The following TSHZ2 variants were observed in gnomAD, a reference collection of about 807,000 sequenced individuals.
TSHZ2 encodes the protein teashirt zinc finger homeobox 2.
Under a neutral mutation model 74.4 loss-of-function variants are expected in TSHZ2, and 21 were observed. The observed-to-expected ratio is 0.28, with a 90% confidence interval of 0.20 to 0.41. The LOEUF (loss-of-function observed/expected upper bound fraction) is 0.41. Among genes scored for constraint, TSHZ2 ranks in the 10% least tolerant of loss-of-function variants. The pLI, the probability that TSHZ2 is intolerant of heterozygous loss-of-function variation, is 1.00. For missense variants in TSHZ2, 1,244 were observed against 1,293.5 expected, an observed-to-expected ratio of 0.96 and a Z score of 0.59; for synonymous variants, 540 against 515.3, an observed-to-expected ratio of 1.05 and a Z score of -0.65.
chr20:53,338,598 G>T (rs1242585512), intron 2 of TSHZ2, among the ~76,000 whole-genome samples: 1 of 152,166 alleles, frequency 6.6e-6, no homozygotes, highest in Non-Finnish European at 1.5e-5. Flanking sequence ...GGGCTGGGGT[G>T]GTACTGGCAT....
At chr20:53,363,175 C>T (rs1307209350) in intron 2 of TSHZ2, among the ~76,000 whole-genome samples, 1 of 152,226 alleles carries the variant, frequency 6.6e-6, no homozygotes, top group Admixed American at 6.5e-5. Flanking sequence ...CCATGGTGGG[C>T]CCTGCCTTGA....
chr20:53,169,047 C>T (rs968542495), intron 1 of TSHZ2, among the ~76,000 whole-genome samples: 6 of 152,192 alleles, frequency 3.9e-5, no homozygotes, highest in African/African-American at 7.2e-5. Flanking sequence ...AGACTCCTCA[C>T]GTCCTGCCCA....
chr20:53,194,747 C>T (rs537262805), intron 1 of TSHZ2, among the ~76,000 whole-genome samples: 3 of 152,324 alleles, frequency 2.0e-5, no homozygotes, highest in East Asian at 3.9e-4. Flanking sequence ...CTCCACCCAG[C>T]CCAGGCAGGA....
At chr20:53,405,999 AAAAATAAATACTTTTTTTTAAAAAAAAG>A (rs1982838167) in intron 2 of TSHZ2, among the ~76,000 whole-genome samples, 1 of 152,188 alleles carries the variant, frequency 6.6e-6, no homozygotes, top group Admixed American at 6.5e-5. Flanking sequence ...CCTGTCTCAA[AAAAATAAATACTTTTTTTTAAAAAAAAG>A]AAAATAAATA....
chr20:53,414,212 G>A (rs1983154909), intron 2 of TSHZ2, among the ~76,000 whole-genome samples: 1 of 152,112 alleles, frequency 6.6e-6, no homozygotes, highest in South Asian at 2.1e-4. Context: ...AACATTTCTG[G>A]AAAGATCAGA....
intron 2 of TSHZ2, among the ~76,000 whole-genome samples, chr20:53,414,492 A>G (rs977042472): frequency 6.6e-5 from 10 of 152,060 alleles, no homozygotes; most frequent in African/African-American, 2.2e-4. Context: ...GTGGTGGCAC[A>G]CACATGTAGT....
chr20:53,001,205 C>CGTGTGTGTGTGTGTGTGTGTATGT (rs1982398050), intron 1 of TSHZ2, among the ~76,000 whole-genome samples: 1 of 94,192 alleles, frequency 1.1e-5, no homozygotes, highest in African/African-American at 4.0e-5. Flanking sequence ...CGTTCATGTG[C>CGTGTGTGTGTGTGTGTGTGTATGT]GTGTGTGTGT....
chr20:53,069,515 A>G (rs565359414), intron 1 of TSHZ2, among the ~76,000 whole-genome samples: 2 of 152,158 alleles, frequency 1.3e-5, no homozygotes, highest in Non-Finnish European at 2.9e-5. Flanking sequence ...CAGAATCATT[A>G]TCTAAATCCG....
At chr20:53,418,523 G>A (rs1251851896) in intron 2 of TSHZ2, among the ~76,000 whole-genome samples, 4 of 152,120 alleles carry the variant, frequency 2.6e-5, no homozygotes, top group South Asian at 2.1e-4. Flanking sequence ...GGCGACAGAC[G>A]AGAAGAGAGC....
intron 1 of TSHZ2, among the ~76,000 whole-genome samples, chr20:53,100,270 C>G (rs1055211529): frequency 7.2e-5 from 11 of 152,170 alleles, no homozygotes; most frequent in African/African-American, 2.7e-4. Context: ...TTTGCCCCTT[C>G]ATTTCTAACA....
At chr20:53,130,111 G>T (rs1327672628) in intron 1 of TSHZ2, among the ~76,000 whole-genome samples, 1 of 151,590 alleles carries the variant, frequency 6.6e-6, no homozygotes, top group Non-Finnish European at 1.5e-5. Context: ...GGCTCAGTGG[G>T]TTTACATATT....
At chr20:53,047,980 T>C (rs1429992179) in intron 1 of TSHZ2, among the ~76,000 whole-genome samples, 2 of 152,192 alleles carry the variant, frequency 1.3e-5, no homozygotes, top group Non-Finnish European at 2.9e-5. Flanking sequence ...AGACGGGATG[T>C]GGCCAAGTTA....
intron 1 of TSHZ2, among the ~76,000 whole-genome samples, chr20:53,146,398 T>A (rs1023107235): frequency 6.6e-6 from 1 of 152,050 alleles, no homozygotes; most frequent in Non-Finnish European, 1.5e-5. Context: ...CAGAGAGAGA[T>A]AACATGGAGC....
chr20:53,101,114 T>C (rs1192905550), intron 1 of TSHZ2, among the ~76,000 whole-genome samples: 6 of 152,226 alleles, frequency 3.9e-5, no homozygotes, highest in Non-Finnish European at 8.8e-5. Context: ...CAGCAAGGAA[T>C]GCCGTTCTAA....
chr20:53,069,847 A>G (rs1985117016), intron 1 of TSHZ2, among the ~76,000 whole-genome samples: 1 of 152,214 alleles, frequency 6.6e-6, no homozygotes, highest in African/African-American at 2.4e-5. Context: ...CACCATGTTA[A>G]TAATGAAATA....
Position 53,059,671 on chromosome 20 carries a change from C to A in TSHZ2, c.40+86338C>A, listed in dbSNP as rs1307273422. Among the ~76,000 whole-genome samples, 3 of 152,140 alleles carry A rather than the reference C, an allele frequency of 2.0e-5. No individual in the cohort carries two copies. The East Asian group carries it at 5.8e-4, about 29-fold the overall frequency. ...TAATTGGTTAAAGACCCTCCTACAGCTTTGAGATTTATTTTGAGGACAATG... is the reference window on the plus strand; with the variant it reads ...TAATTGGTTAAAGACCCTCCTACAGATTTGAGATTTATTTTGAGGACAATG... On this transcript the variant is annotated intron_variant, in intron 1 of 2. Coordinates refer to ENST00000371497, the MANE Select transcript of TSHZ2 (RefSeq NM_173485.6).
At chr20:53,037,507 T>TCATC (rs1983864842) in intron 1 of TSHZ2, among the ~76,000 whole-genome samples, 2 of 152,218 alleles carry the variant, frequency 1.3e-5, no homozygotes, top group Non-Finnish European at 2.9e-5. Context: ...GATCTTCAAA[T>TCATC]CATCCCCTAA....
chr20:53,472,841 T>G (rs1307137781), intron 2 of TSHZ2, among the ~76,000 whole-genome samples: 1 of 151,918 alleles, frequency 6.6e-6, no homozygotes, highest in Non-Finnish European at 1.5e-5. Context: ...ATTGCCTCAC[T>G]CGGGAAGCGC....
chr20:53,091,495 C>T (rs1034684917), intron 1 of TSHZ2, among the ~76,000 whole-genome samples: 2 of 152,200 alleles, frequency 1.3e-5, no homozygotes, highest in African/African-American at 4.8e-5. Context: ...TTACCTACTA[C>T]TTAAATCCTT....
Sources: gnomAD v4.1 joint callset for allele counts (sites outside exome capture counted in the v4.1 genomes callset) on GRCh38, gnomAD v4.1.1 for gene constraint, MANE v1.5 for transcripts, NCBI Gene and HGNC (gene_info 2026-07-23, HGNC 2026-07-21) for gene names.